KHDRBS2: variants seen among roughly 807,000 people sequenced by gnomAD.
The protein encoded by KHDRBS2 is KH RNA binding domain containing, signal transduction associated 2.
Under a neutral mutation model 44.3 loss-of-function variants are expected in KHDRBS2, and 26 were observed. The observed-to-expected ratio is 0.59, with a 90% confidence interval of 0.43 to 0.81. The LOEUF is 0.81. Ranked by LOEUF, KHDRBS2 falls within the 40% of genes least tolerant of loss-of-function variation. The pLI is 0.00. For missense variants in KHDRBS2, 476 were observed against 433.1 expected (o/e 1.10, Z -0.88); for synonymous variants, 194 against 151.1 (o/e 1.28, Z -2.08).
intron 6 of KHDRBS2, among the ~76,000 whole-genome samples, chr6:61,785,811 A>ATT (rs751197136): frequency 2.6e-5 from 4 of 152,220 alleles, no homozygotes; most frequent in Non-Finnish European, 5.9e-5. Context: ...AAGTATATAC[A>ATT]TTTTTTGCTT....
chr6:61,614,704 C>T, the KHDRBS2 span, among the ~76,000 whole-genome samples: 1 of 151,974 alleles, frequency 6.6e-6, no homozygotes, highest in Non-Finnish European at 1.5e-5. Flanking sequence ...ACTTTTTTCA[C>T]AGAGTGTGGG....
At chr6:62,021,099 G>C (rs1450380268) in intron 3 of KHDRBS2, among the ~76,000 whole-genome samples, 1 of 151,986 alleles carries the variant, frequency 6.6e-6, no homozygotes, top group African/African-American at 2.4e-5. Flanking sequence ...TGGAGCTGGA[G>C]GCCATTATCC....
At chr6:61,675,839 T>C (rs1168943203), downstream of KHDRBS2, among the ~76,000 whole-genome samples, 1 of 151,864 alleles carries the variant, frequency 6.6e-6, no homozygotes, top group Non-Finnish European at 1.5e-5. Context: ...GGTTTCCAGT[T>C]GTTATGGGAT....
intron 3 of KHDRBS2, among the ~76,000 whole-genome samples, chr6:62,042,232 C>T (rs1315717099): frequency 6.6e-6 from 1 of 151,928 alleles, no homozygotes; most frequent in Non-Finnish European, 1.5e-5. Flanking sequence ...ATGAATCAAA[C>T]ATAAATAAAA....
the KHDRBS2 span, chr6:61,630,287 T>A: frequency 6.6e-6 from 1 of 152,194 alleles, no homozygotes; most frequent in Non-Finnish European, 1.5e-5. Flanking sequence ...TAAGGTTTGG[T>A]AACTGAAGAC....
rs187770564 is a variant in KHDRBS2 at position 61,823,989 on chromosome 6, G to A, written c.810+70646C>T. Among the ~76,000 whole-genome samples, 857 of 152,072 alleles carry A rather than the reference G, an allele frequency of 5.6e-3. 20 individuals are homozygous for A. The highest frequency in any genetic ancestry group is 3.4e-3 in the Middle Eastern group (1 of 294). ...AATTTGGTGACACAAAAACCAAACA[G>A]AAAATATTTACTTTTATCTTCAGAG... On this transcript the variant is annotated intron_variant, in intron 6 of 8. Coordinates refer to ENST00000281156, the MANE Select transcript of KHDRBS2 (RefSeq NM_152688.4).
At chr6:61,954,503 AAT>A (rs1268802289) in intron 4 of KHDRBS2, among the ~76,000 whole-genome samples, 3 of 121,580 alleles carry the variant, frequency 2.5e-5, no homozygotes, top group Non-Finnish European at 3.5e-5. Flanking sequence ...ATGTATGCAT[AAT>A]ATATATGAAT....
chr6:61,962,192 C>A (rs1383721397), intron 4 of KHDRBS2, among the ~76,000 whole-genome samples: 1 of 152,014 alleles, frequency 6.6e-6, no homozygotes, highest in Non-Finnish European at 1.5e-5. Context: ...AATGGCAGTT[C>A]TATTGTGTTG....
At chr6:62,175,075 G>C (rs1273518928) in intron 2 of KHDRBS2, among the ~76,000 whole-genome samples, 2 of 151,472 alleles carry the variant, frequency 1.3e-5, no homozygotes, top group African/African-American at 2.4e-5. Flanking sequence ...AATATAATAA[G>C]ACATAGTTTG....
the KHDRBS2 span, among the ~76,000 whole-genome samples, chr6:61,592,188 C>CAAAAAAAAAAAAAAAAAAAAAAAAAAAAA: frequency 8.2e-6 from 1 of 122,276 alleles, no homozygotes; most frequent in Non-Finnish European, 1.7e-5. Flanking sequence ...AAGATCCCAC[C>CAAAAAAAAAAAAAAAAAAAAAAAAAAAAA]AAAAAAAAAA....
intron 3 of KHDRBS2, among the ~76,000 whole-genome samples, chr6:62,046,225 A>G (rs1409262923): frequency 4.6e-5 from 7 of 151,918 alleles, no homozygotes; most frequent in Admixed American, 4.6e-4. Flanking sequence ...TTTTGCTGGT[A>G]CCTAACATGC....
intron 1 of KHDRBS2, among the ~76,000 whole-genome samples, chr6:62,257,840 T>A (rs1837652109): frequency 6.6e-6 from 1 of 151,996 alleles, no homozygotes; most frequent in African/African-American, 2.4e-5. Flanking sequence ...CCCAGAAGCA[T>A]AAACTCACAT....
At chr6:61,746,311 C>T (rs1036929189) in intron 6 of KHDRBS2, among the ~76,000 whole-genome samples, 5 of 152,046 alleles carry the variant, frequency 3.3e-5, no homozygotes, top group Admixed American at 3.3e-4. Context: ...CTCCCCTTGC[C>T]CCCCATCCCC....
At chr6:61,564,845 A>G in the KHDRBS2 span, among the ~76,000 whole-genome samples, 1 of 152,154 alleles carries the variant, frequency 6.6e-6, no homozygotes, top group East Asian at 1.9e-4. Context: ...AGCAATCCTC[A>G]GCAAAAAGAA....
At chr6:61,953,620 T>G (rs1765240844) in intron 4 of KHDRBS2, among the ~76,000 whole-genome samples, 1 of 152,052 alleles carries the variant, frequency 6.6e-6, no homozygotes, top group Non-Finnish European at 1.5e-5. Context: ...GAAACAAAGT[T>G]GTAAAAATAT....
intron 6 of KHDRBS2, among the ~76,000 whole-genome samples, chr6:61,781,677 C>G (rs1562167429): frequency 6.6e-6 from 1 of 152,090 alleles, no homozygotes; most frequent in Non-Finnish European, 1.5e-5. Flanking sequence ...CAAGTCAGGG[C>G]TTTTAGGATA....
intron 6 of KHDRBS2, among the ~76,000 whole-genome samples, chr6:61,862,233 C>A (rs1047320019): frequency 6.6e-6 from 1 of 151,886 alleles, no homozygotes; most frequent in Admixed American, 6.6e-5. Flanking sequence ...AAAGATAGAT[C>A]GACTTCCTCT....
chr6:61,939,278 C>T (rs1222188212), intron 4 of KHDRBS2, among the ~76,000 whole-genome samples: 2 of 152,120 alleles, frequency 1.3e-5, no homozygotes, highest in East Asian at 1.9e-4. Context: ...AGTATTCAGT[C>T]GATTTGGGAC....
intron 1 of KHDRBS2, among the ~76,000 whole-genome samples, chr6:62,267,296 T>C (rs1180111864): frequency 1.3e-5 from 2 of 152,040 alleles, no homozygotes; most frequent in Admixed American, 6.6e-5. Flanking sequence ...CTCACTGTTC[T>C]GTTCTGTCTG....
Sources: gnomAD v4.1 joint callset for allele counts (sites outside exome capture counted in the v4.1 genomes callset) on GRCh38, gnomAD v4.1.1 for gene constraint, MANE v1.5 for transcripts, NCBI Gene and HGNC (gene_info 2026-07-23, HGNC 2026-07-21) for gene names.